The following CREB5 variants were observed in gnomAD, a reference collection of about 807,000 sequenced individuals.
CREB5 encodes the protein cAMP responsive element binding protein 5, also known as cyclic AMP-responsive element-binding protein 5.
A neutral mutation model predicts 57.1 loss-of-function variants in CREB5; 19 were observed. That is an observed-to-expected ratio of 0.33 (90% confidence interval 0.23 to 0.49). The LOEUF (loss-of-function observed/expected upper bound fraction) is 0.49, where lower values mean the gene tolerates loss of function less well. CREB5 is among the 20% of genes least tolerant of loss of function. The pLI is 0.99. For missense variants in CREB5, 579 were observed against 671.6 expected, an observed-to-expected ratio of 0.86 and a Z score of 1.52; for synonymous variants, 238 against 238.3, an observed-to-expected ratio of 1.00 and a Z score of 0.01.
chr7:28,499,136 C>T (rs1434469526), intron 3 of CREB5, among the ~76,000 whole-genome samples: 1 of 148,564 alleles, frequency 6.7e-6, no homozygotes, highest in Non-Finnish European at 1.5e-5. Flanking sequence ...TTAAATATCC[C>T]CACCCTGAGT....
intron 5 of CREB5, among the ~76,000 whole-genome samples, chr7:28,667,516 A>T (rs1217198439): frequency 1.3e-5 from 2 of 152,100 alleles, no homozygotes; most frequent in East Asian, 1.9e-4. Context: ...TAAACCAAGG[A>T]TATGAATAAA....
chr7:28,683,931 T>C (rs965812397), intron 5 of CREB5, among the ~76,000 whole-genome samples: 5 of 152,130 alleles, frequency 3.3e-5, no homozygotes, highest in Admixed American at 1.3e-4. Context: ...CTCTACCACA[T>C]ATCCATTTTG....
At chr7:28,764,090 A>G (rs1805817402) in intron 7 of CREB5, among the ~76,000 whole-genome samples, 1 of 152,178 alleles carries the variant, frequency 6.6e-6, no homozygotes, top group African/African-American at 2.4e-5. Context: ...GGTGTGAGCC[A>G]CCATGCCTGG....
At chr7:28,669,467 A>C (rs535037804) in intron 5 of CREB5, among the ~76,000 whole-genome samples, 1 of 152,352 alleles carries the variant, frequency 6.6e-6, no homozygotes, top group South Asian at 2.1e-4. Flanking sequence ...ATAGTACTGT[A>C]CCAGCGTCAA....
chr7:28,361,178 G>T (rs147574400), intron 1 of CREB5, among the ~76,000 whole-genome samples: 14 of 152,276 alleles, frequency 9.2e-5, no homozygotes, highest in African/African-American at 2.6e-4. Flanking sequence ...TTGCACGGAG[G>T]TTGAATAAAG....
chr7:28,735,814 T>TC (rs1178051001), intron 7 of CREB5, among the ~76,000 whole-genome samples: 1 of 144,574 alleles, frequency 6.9e-6, no homozygotes, highest in Non-Finnish European at 1.5e-5. Context: ...TCTCTCTCTC[T>TC]TTTTTTTTTT....
At chr7:28,360,717 T>C (rs189416093) in intron 1 of CREB5, among the ~76,000 whole-genome samples, 231 of 152,282 alleles carry the variant, frequency 1.5e-3, no homozygotes, top group African/African-American at 5.5e-3. Context: ...CCCATAAATA[T>C]ATATAATTTT....
intron 5 of CREB5, among the ~76,000 whole-genome samples, chr7:28,571,208 G>A (rs1160534470): frequency 6.6e-6 from 1 of 152,190 alleles, no homozygotes; most frequent in Non-Finnish European, 1.5e-5. Context: ...AGAATGGTGA[G>A]CAGTTTAAAA....
intron 5 of CREB5, among the ~76,000 whole-genome samples, chr7:28,717,516 G>A (rs538305628): frequency 2.3e-4 from 35 of 152,278 alleles, no homozygotes; most frequent in South Asian, 1.7e-3. Context: ...CACTTTTCAT[G>A]GGAGCCAAAG....
rs1292290227 is a variant in CREB5 at position 28,557,043 on chromosome 7, GCT to G, written c.292-13321_292-13320del. On this transcript the variant is annotated intron_variant, in intron 4 of 10. Coordinates refer to ENST00000357727, the MANE Select transcript of CREB5 (RefSeq NM_182898.4). ...GGCCTAGGGATACTAACAGCTCCCT[GCT>G]GAAACTGGCCCCAGGGCTTTCCTAC... Among the ~76,000 whole-genome samples the G allele has an allele frequency of 8.4e-5, 12 of 142,358 alleles. 2 individuals carry two copies. The highest frequency in any genetic ancestry group is 2.2e-4 in the South Asian group (1 of 4,614). The allele number at this position is 142,358 out of a possible 152,430, so 93.4% of individuals were successfully genotyped here.
At chr7:28,628,877 A>T (rs2128691560) in intron 5 of CREB5, among the ~76,000 whole-genome samples, 1 of 152,300 alleles carries the variant, frequency 6.6e-6, no homozygotes, top group South Asian at 2.1e-4. Flanking sequence ...GGGAGAAAAG[A>T]TTATTAGATA....
chr7:28,737,585 A>G (rs984812881), intron 7 of CREB5, among the ~76,000 whole-genome samples: 2 of 91,288 alleles, frequency 2.2e-5, no homozygotes, highest in East Asian at 3.5e-4. Context: ...ATATATATAT[A>G]TATTTTTAAC....
chr7:28,744,726 G>A (rs1804599475), intron 7 of CREB5, among the ~76,000 whole-genome samples: 1 of 152,180 alleles, frequency 6.6e-6, no homozygotes, highest in Admixed American at 6.5e-5. Context: ...TTCAACATAT[G>A]AATTTGAGGT....
In CREB5 at chr7:28,412,671, G is replaced by C. The variant is rs373797933; in HGVS notation, c.-244G>C. ...CATTACTAAAAGAAACTTAGAGAAC[G>C]AGGGAGGTACCAGAGTCTAGGAGGT... On this transcript the variant is annotated 5_prime_UTR_variant, in exon 1 of 11. Transcript: ENST00000357727. The C allele has an allele frequency of 1.1e-5, 4 of 375,954 alleles. No individual in the cohort carries two copies. Among genetic ancestry groups the C allele is most frequent in the South Asian group, 2.9e-4 (2 of 6,946 alleles). 23.3% of individuals were successfully genotyped at this position (375,954 alleles called of 1,614,324 possible). A position where few individuals can be genotyped will look rare whatever the true frequency, so the allele number is the denominator to read the frequency against.
At chr7:28,418,243 C>T (rs1662846674) in intron 1 of CREB5, among the ~76,000 whole-genome samples, 1 of 152,162 alleles carries the variant, frequency 6.6e-6, no homozygotes, top group Non-Finnish European at 1.5e-5. Flanking sequence ...TATTTGTCAC[C>T]TTTTAAAATA....
intron 1 of CREB5, among the ~76,000 whole-genome samples, chr7:28,478,123 A>G (rs1415528160): frequency 6.6e-6 from 1 of 152,132 alleles, no homozygotes; most frequent in Non-Finnish European, 1.5e-5. Flanking sequence ...ACAGACAAAC[A>G]AACAAACCCC....
intron 5 of CREB5, among the ~76,000 whole-genome samples, chr7:28,700,563 G>A (rs1801802162): frequency 6.6e-6 from 1 of 152,140 alleles, no homozygotes; most frequent in South Asian, 2.1e-4. Flanking sequence ...CTGTTGGATC[G>A]AATGTTTATT....
At chr7:28,802,653 T>A (rs1808442486) in intron 7 of CREB5, among the ~76,000 whole-genome samples, 1 of 152,246 alleles carries the variant, frequency 6.6e-6, no homozygotes, top group Non-Finnish European at 1.5e-5. Context: ...ATACAGTCCT[T>A]AGCACATTAT....
intron 1 of CREB5, among the ~76,000 whole-genome samples, chr7:28,360,847 G>C (rs1266768467): frequency 2.0e-5 from 3 of 152,142 alleles, no homozygotes; most frequent in Non-Finnish European, 4.4e-5. Context: ...CATTCCTAGT[G>C]GTGTGTGATG....
Sources: gnomAD v4.1 joint callset for allele counts (sites outside exome capture counted in the v4.1 genomes callset) on GRCh38, gnomAD v4.1.1 for gene constraint, MANE v1.5 for transcripts, NCBI Gene and HGNC (gene_info 2026-07-23, HGNC 2026-07-21) for gene names.